FLT4: variants seen among roughly 807,000 people sequenced by gnomAD.
FLT4 encodes fms related receptor tyrosine kinase 4, also known as vascular endothelial growth factor receptor 3.
Under a neutral mutation model 163.2 loss-of-function variants are expected in FLT4, and 30 were observed. That is an observed-to-expected ratio of 0.18 (90% confidence interval 0.14 to 0.25). The LOEUF (loss-of-function observed/expected upper bound fraction) is 0.25. Ranked by LOEUF, FLT4 falls within the 10% of genes least tolerant of loss-of-function variation. The pLI is 1.00. For synonymous variants in FLT4, 884 were observed against 789.5 expected (o/e 1.12, Z -2.01); for missense variants, 1,510 against 1,863.8 (o/e 0.81, Z 3.50).
Position 180,621,248 on chromosome 5 carries a change from C to T in FLT4, c.2025G>A (p.Leu675=). 1.2e-6 allele frequency: 2 copies of T among 1,611,808 alleles called. 1 individual carries two copies. Among genetic ancestry groups the T allele is most frequent in the South Asian group, 2.2e-5 (2 of 91,044 alleles). ...AGTTCTGCGTGAGCCGAGGGGCTTC[C>T]AGGGCTGGGGGCAGGGGTCGAGAGG... is the stretch of plus-strand genomic sequence containing the variant. ...CHKKYLSVQA[L]EAPRLTQNLT... The change falls in exon 14 of 30, where the codon CTG becomes CTA. Residue 675 remains leucine, a synonymous_variant. Transcript: ENST00000261937.
chr5:180,628,682 AG>A (rs932584098), intron 8 of FLT4, among the ~76,000 whole-genome samples, 199 bp downstream of exon 8: 5 of 152,246 alleles, frequency 3.3e-5, no homozygotes, highest in Admixed American at 6.5e-5. Flanking sequence ...ACAGTGTGGC[AG>A]GAACAGACAG....
At chr5:180,626,887 G>C (rs1763661426) in intron 8 of FLT4, among the ~76,000 whole-genome samples, 1 of 152,230 alleles carries the variant, frequency 6.6e-6, no homozygotes, top group East Asian at 1.9e-4. Flanking sequence ...GAATCTGCAG[G>C]GTTCCCTGCC....
At chr5:180,608,368 C>A (rs2127786704) in intron 29 of FLT4, 4 of 699,856 alleles carry the variant, frequency 5.7e-6, no homozygotes, top group South Asian at 3.0e-5. Context: ...CCTGACCCTG[C>A]CCCCTTGTCT....
At chr5:180,626,553 T>C (rs1425481201) in intron 8 of FLT4, among the ~76,000 whole-genome samples, 2 of 152,120 alleles carry the variant, frequency 1.3e-5, no homozygotes, top group East Asian at 3.9e-4. Context: ...TCTCCACAAG[T>C]AGTGAGATGA....
At chr5:180,618,113 G>T (rs112024488) in intron 21 of FLT4, among the ~76,000 whole-genome samples, 5 of 26,878 alleles carry the variant, frequency 1.9e-4, no homozygotes, top group Non-Finnish European at 2.4e-4. Flanking sequence ...CAGCCTCTGG[G>T]ACACCCACAT....
At chr5:180,641,607 C>A (rs1765106442) in intron 1 of FLT4, among the ~76,000 whole-genome samples, 1 of 152,182 alleles carries the variant, frequency 6.6e-6, no homozygotes, top group Non-Finnish European at 1.5e-5. Flanking sequence ...CCTCTCTTCA[C>A]TCCTGGGGCC....
At position 180,630,867 on chromosome 5, in the gene FLT4, C is replaced by T. The variant is rs1764065117; in HGVS notation, c.156-68G>A. 6.6e-7 allele frequency: 1 copy of T among 1,507,396 alleles called. No individual in the cohort carries two copies. Among genetic ancestry groups the T allele is most frequent in the South Asian group, 1.3e-5 (1 of 79,896 alleles). The allele number at this position is 1,507,396 out of a possible 1,614,324, so 93.4% of individuals were successfully genotyped here. ...CATGGGGACTGTCCCTGAGAAGCCT[C>T]CCTCAGGCCGAGCCTCACCAGGTTT... On this transcript the variant is annotated intron_variant, in intron 2 of 29. Coordinates refer to ENST00000261937, the MANE Select transcript of FLT4 (RefSeq NM_182925.5). The surrounding 1 kb of genome is among the most constrained non-coding windows in gnomAD (Gnocchi z 6.3).
intron 23 of FLT4, among the ~76,000 whole-genome samples, chr5:180,615,116 A>C (rs528132615): frequency 9.9e-5 from 15 of 152,034 alleles, no homozygotes; most frequent in Non-Finnish European, 1.2e-4. Context: ...ACAAGCTCCA[A>C]TCAGAACAAG....
At position 180,603,158 on chromosome 5, in the gene FLT4, ACCCC is replaced by A; in HGVS notation, c.*30_*33del. ...CCTCTGCCCGCCCTGCCGGGCCTGA[ACCCC>A]CAAGTGCTGGGGGTCTTGTCCGATG... On this transcript the variant is annotated 3_prime_UTR_variant, in exon 30 of 30. Coordinates refer to ENST00000261937, the MANE Select transcript of FLT4 (RefSeq NM_182925.5). 1 of 1,609,816 alleles carries A rather than the reference ACCCC, an allele frequency of 6.2e-7. No individual in the cohort carries two copies. Among genetic ancestry groups the A allele is most frequent in the South Asian group, 1.1e-5 (1 of 90,886 alleles).
In FLT4 at chr5:180,630,378, G is replaced by A. The variant is rs373727643; in HGVS notation, c.401-41C>T. ...AAGCTGTTGGGGAAGGGACGTGGCG[G>A]CCAGGCTGGGGGAGGGCTCCACGGG... On this transcript the variant is annotated intron_variant, in intron 3 of 29. Transcript: ENST00000261937. This position sits in a 1 kb window ranked among gnomAD's most constrained non-coding sequence, Gnocchi z 6.3. 2.0e-4 allele frequency: 319 copies of A among 1,582,450 alleles called. No individual in the cohort carries two copies. The African/African-American group carries it at 3.9e-3, about 19-fold the overall frequency.
chr5:180,648,881 G>A (rs1765611264), intron 1 of FLT4, among the ~76,000 whole-genome samples: 1 of 152,134 alleles, frequency 6.6e-6, no homozygotes, highest in South Asian at 2.1e-4. Flanking sequence ...CCCGCGATTC[G>A]CCTCCTCAAG....
chr5:180,627,520 C>G (rs925125346), intron 8 of FLT4, among the ~76,000 whole-genome samples: 1 of 151,744 alleles, frequency 6.6e-6, no homozygotes, highest in Non-Finnish European at 1.5e-5. Flanking sequence ...GCGGGTGCTT[C>G]GGAAGCCAAG....
In FLT4 at chr5:180,609,037, C is replaced by G; in HGVS notation, c.3824G>C (p.Ser1275Thr). 6.2e-7 allele frequency: 1 copy of G among 1,614,220 alleles called. No homozygotes were observed. The highest frequency in any genetic ancestry group is 8.5e-7 in the Non-Finnish European group (1 of 1,180,018). ...YKGSVDNQTD[S>T]GMVLASEEFE... is the part of the protein sequence containing the mutation. ...CTCCTCCGAGGCCAGCACCATCCCA[C>G]TGTCTGTCTGGTTGTCCTGTGTGGA... The change falls in exon 29 of 30, where the codon AGT becomes ACT. Residue 1275 changes from serine (S) to threonine (T), a missense_variant. Transcript: ENST00000261937.
In FLT4 at chr5:180,612,514, C is replaced by G; in HGVS notation, c.3529G>C (p.Gly1177Arg). 1 of 1,612,850 alleles carries G rather than the reference C, an allele frequency of 6.2e-7. No homozygotes were observed. ...GTGGGGAAGGGGCTCACTTGCAGGCCCCTGCCCTGGAGCAGGTCCCCCAGG... is the reference window on the plus strand; with the variant it reads ...GTGGGGAAGGGGCTCACTTGCAGGCGCCTGCCCTGGAGCAGGTCCCCCAGG... Reference protein sequence around the residue: ...EILGDLLQGRGLQEEEEVCMA... With the variant: ...EILGDLLQGRRLQEEEEVCMA... The change falls in exon 26 of 30, where the codon GGC becomes CGC. Residue 1177 changes from glycine (G) to arginine (R), a missense_variant. By Grantham distance (125) the Gly-to-Arg change is moderately radical (BLOSUM62 -2). This residue lies in a region of FLT4 where 295 missense variants were observed against 311.0 expected (regional missense o/e 0.95). Coordinates refer to ENST00000261937, the MANE Select transcript of FLT4 (RefSeq NM_182925.5).
At chr5:180,610,750 C>T (rs1762109699) in intron 27 of FLT4, among the ~76,000 whole-genome samples, 1 of 151,240 alleles carries the variant, frequency 6.6e-6, no homozygotes, top group African/African-American at 2.4e-5. Flanking sequence ...CAGTCCACTC[C>T]ACCTCTCCGG....
chr5:180,609,083 G>A (rs780702690), intron 28 of FLT4, 30 bp from the exon 29 acceptor site: 29 of 1,600,052 alleles, frequency 1.8e-5, no homozygotes, highest in Admixed American at 1.7e-4. Flanking sequence ...CAGGCTGTGG[G>A]TCCCGCCTGA....
Position 180,612,321 on chromosome 5 carries a change from G to A in FLT4, c.3537+185C>T, listed in dbSNP as rs1275793386. On this transcript the variant is annotated intron_variant, in intron 26 of 29. Coordinates refer to ENST00000261937, the MANE Select transcript of FLT4 (RefSeq NM_182925.5). The stretch of plus-strand genomic sequence containing the variant: ...CAGGCAGTGGAGCTGTGCAGCGGGT[G>A]TGTACTCAACAGAAAGATGCAAGGG... 1.6e-5 allele frequency: 10 copies of A among 624,268 alleles called. No individual in the cohort carries two copies. In the East Asian group the frequency reaches 2.7e-4, roughly 17 times the overall value. The allele number at this position is 624,268 out of a possible 1,614,324, so 38.7% of individuals were successfully genotyped here.
chr5:180,609,168 G>C, intron 28 of FLT4, 115 bp from the exon 29 acceptor site: 2 of 824,100 alleles, frequency 2.4e-6, no homozygotes, highest in Non-Finnish European at 4.2e-6. Context: ...CCTAACACCT[G>C]TCCCTGGGAA....
chr5:180,625,081 C>T (rs1427816336), intron 10 of FLT4, among the ~76,000 whole-genome samples: 1 of 152,222 alleles, frequency 6.6e-6, no homozygotes, highest in African/African-American at 2.4e-5. Flanking sequence ...CACACCAGAG[C>T]CACAGCCAGT....
Sources: gnomAD v4.1 joint callset for allele counts (sites outside exome capture counted in the v4.1 genomes callset) on GRCh38, gnomAD v4.1.1 for gene constraint, gnomAD v4.1.1 regional missense constraint, Gnocchi (gnomAD v3.1) non-coding constraint, MANE v1.5 for transcripts, NCBI Gene and HGNC (gene_info 2026-07-23, HGNC 2026-07-21) for gene names.